Variants in RAB29 observed in about 807,000 individuals in gnomAD.
RAB29 encodes RAB29, member RAS oncogene family.
A neutral mutation model predicts 25.5 loss-of-function variants in RAB29; 13 were observed. The ratio of observed to expected loss-of-function variants is 0.51; its 90% CI spans 0.33 to 0.81. The LOEUF is 0.81. Among genes scored for constraint, RAB29 ranks in the 30% least tolerant of loss-of-function variants. The probability of loss-of-function intolerance (pLI) is 0.02; values close to 1 mark genes in which losing one functional copy is unlikely to be tolerated. For missense variants in RAB29, 201 were observed against 254.9 expected (o/e 0.79, Z 1.44); for synonymous variants, 88 against 95.0 (o/e 0.93, Z 0.43).
chr1:205,771,758 TTCC>T, intron 3 of RAB29, 105 bp from the exon 4 acceptor site: 2 of 1,135,266 alleles, frequency 1.8e-6, no homozygotes, highest in Non-Finnish European at 2.6e-6. Context: ...GCCACTCACT[TTCC>T]CCCTCTGACT....
At chr1:205,772,933 G>A (rs1655100860) in intron 2 of RAB29, among the ~76,000 whole-genome samples, 1 of 151,950 alleles carries the variant, frequency 6.6e-6, no homozygotes, top group Non-Finnish European at 1.5e-5. Context: ...GGGAGAAGGG[G>A]GAAATGAGAC....
At position 205,775,066 on chromosome 1, in the gene RAB29, C is replaced by A; in HGVS notation, c.-110G>T. 7.2e-7 allele frequency: 1 copy of A among 1,388,726 alleles called. No homozygotes were observed. The allele number at this position is 1,388,726 out of a possible 1,614,324, so 86.0% of individuals were successfully genotyped here. ...CCTCTTCAAACTGAAGTGAGGCATT[C>A]CCACCCACCGCCTGTCTGGGCTGCT... On this transcript the variant is annotated 5_prime_UTR_variant, in exon 2 of 6. Coordinates refer to ENST00000367139, the MANE Select transcript of RAB29 (RefSeq NM_003929.3).
In RAB29 at chr1:205,771,793, G is replaced by C. The variant is rs907149591; in HGVS notation, c.197-140C>G. On this transcript the variant is annotated intron_variant, in intron 3 of 5. Coordinates refer to ENST00000367139, the MANE Select transcript of RAB29 (RefSeq NM_003929.3). Reference sequence around the variant, plus strand: ...GACTCTTGGTTTTCTATCCCATAAAGGGATAATGAAGCCCAATTATTTCCA... The same window carrying C: ...GACTCTTGGTTTTCTATCCCATAAACGGATAATGAAGCCCAATTATTTCCA... The C allele has an allele frequency of 4.6e-6, 4 of 869,838 alleles. No individual in the cohort carries two copies. The African/African-American group carries it at 5.0e-5, about 11-fold the overall frequency. 53.9% of individuals were successfully genotyped at this position (869,838 alleles called of 1,614,324 possible).
intron 4 of RAB29, chr1:205,771,165 G>C: frequency 4.3e-6 from 2 of 467,590 alleles, no homozygotes; most frequent in South Asian, 2.1e-5. Flanking sequence ...TGGGTGTGGT[G>C]GTGGGCACCT....
chr1:205,772,397 G>A (rs1261324348), intron 3 of RAB29, 99 bp downstream of exon 3: 5 of 1,271,812 alleles, frequency 3.9e-6, no homozygotes, highest in Non-Finnish European at 5.7e-6. Flanking sequence ...TCCAGCTTCA[G>A]AAAAACAATT....
chr1:205,768,644 C>T lies in RAB29; in HGVS notation c.*1698G>A, dbSNP rs1405115616. ...TAACTCCCAGGTTCAAGCGATTCTC[C>T]TGCCTCAGTCTCCCAAGTAGCTGGG... On this transcript the variant is annotated 3_prime_UTR_variant, in exon 6 of 6. Coordinates refer to ENST00000367139, the MANE Select transcript of RAB29 (RefSeq NM_003929.3). 1 of 152,012 alleles carries T rather than the reference C, an allele frequency of 6.6e-6. No individual in the cohort carries two copies. The highest frequency in any genetic ancestry group is 1.5e-5 in the Non-Finnish European group (1 of 68,018). The allele number at this position is 152,012 out of a possible 1,614,324, so 9.4% of individuals were successfully genotyped here. A position where few individuals can be genotyped will look rare whatever the true frequency, so the allele number is the denominator to read the frequency against.
chr1:205,772,115 TAA>T (rs1655060613), intron 3 of RAB29, among the ~76,000 whole-genome samples: 2 of 152,314 alleles, frequency 1.3e-5, no homozygotes, highest in Middle Eastern at 3.4e-3. Flanking sequence ...TCAGTGAATT[TAA>T]AATACTTAGA....
chr1:205,772,506 C>T lies in RAB29; in HGVS notation c.186G>A (p.Trp62Ter), dbSNP rs1466139409. The T allele has an allele frequency of 3.1e-6, 5 of 1,613,476 alleles. No individual in the cohort carries two copies. Among genetic ancestry groups the T allele is most frequent in the Non-Finnish European group, 4.2e-6 (5 of 1,179,864 alleles). Residue 62 changes from tryptophan to a stop codon, truncating the protein, a stop_gained, in exon 3 of 6, where the codon TGG becomes TGA. Coordinates refer to ENST00000367139, the MANE Select transcript of RAB29 (RefSeq NM_003929.3). LOFTEE classifies it high-confidence loss of function. ...SDYEIVRLQL[W>*]DIAGQERFTS... ...GCCCTCCCACTTTACCTGCAATATC[C>T]CACAGCTGAAGCCGCACTATCTCGT...
At chr1:205,772,643 G>T in intron 2 of RAB29, 76 bp from the exon 3 acceptor site, 1 of 1,361,942 alleles carries the variant, frequency 7.3e-7, no homozygotes, top group Non-Finnish European at 1.0e-6. Flanking sequence ...AAATCAAATA[G>T]GCAGTGAAAC....
intron 3 of RAB29, 124 bp from the exon 4 acceptor site, chr1:205,771,777 T>G: frequency 1.0e-6 from 1 of 975,828 alleles, no homozygotes; most frequent in Non-Finnish European, 1.6e-6. Flanking sequence ...TGACTCTTGG[T>G]TTTCTATCCC....
intron 2 of RAB29, 35 bp downstream of exon 2, chr1:205,774,798 T>TCCCCCCC: frequency 6.1e-6 from 4 of 658,510 alleles, no homozygotes; most frequent in South Asian, 3.0e-5. Flanking sequence ...GGCCTCCTCC[T>TCCCCCCC]CCCCCTCCCC....
rs965400697 is a variant in RAB29 at position 205,770,024 on chromosome 1, T to C, written c.*318A>G. The C allele has an allele frequency of 2.2e-4, 79 of 366,338 alleles. No individual in the cohort carries two copies. Among genetic ancestry groups the C allele is most frequent in the Middle Eastern group, 1.5e-3 (2 of 1,306 alleles). The allele number at this position is 366,338 out of a possible 1,614,324, so 22.7% of individuals were successfully genotyped here. Reference sequence around the variant, plus strand: ...TAAGCTCAGAAGTAGGTGAGAATTATGATCTCTAAAACGCAGGTGCTGATT... The same window carrying C: ...TAAGCTCAGAAGTAGGTGAGAATTACGATCTCTAAAACGCAGGTGCTGATT... On this transcript the variant is annotated 3_prime_UTR_variant, in exon 6 of 6. Coordinates refer to ENST00000367139, the MANE Select transcript of RAB29 (RefSeq NM_003929.3).
At chr1:205,770,996 C>T in intron 4 of RAB29, 142 bp from the exon 5 acceptor site, 1 of 1,214,446 alleles carries the variant, frequency 8.2e-7, no homozygotes, top group Non-Finnish European at 1.1e-6. Flanking sequence ...CAACATTCTT[C>T]CCAAAGAAAG....
rs1368229492 is a variant in RAB29 at position 205,770,386 on chromosome 1, A to T, written c.568T>A (p.Tyr190Asn). The T allele has an allele frequency of 1.2e-6, 2 of 1,614,210 alleles. No homozygotes were observed. The highest frequency in any genetic ancestry group is 1.7e-6 in the Non-Finnish European group (2 of 1,180,008). ...GAGGACTTGGTTTGTAGATTGATGT[A>T]GTCCCCTTGGGTGGACAAAGACATG... ...DIMSLSTQGD[Y>N]INLQTKSSSW... is the part of the protein sequence containing the mutation. The change falls in exon 6 of 6, where the codon TAC (tyrosine) becomes AAC (asparagine). Residue 190 changes from tyrosine to asparagine, a missense_variant. Physicochemically the swap from Tyr to Asn is moderately radical, Grantham distance 143 (BLOSUM62 -2). Transcript: ENST00000367139.
In RAB29 at chr1:205,771,197, G is replaced by A. The variant is rs149842155; in HGVS notation, c.378+275C>T. 625 of 488,478 alleles carry A rather than the reference G, an allele frequency of 1.3e-3. 6 individuals are homozygous for A. Among genetic ancestry groups the A allele is most frequent in the African/African-American group, 0.011 (585 of 51,226 alleles). The allele number at this position is 488,478 out of a possible 1,614,324, so 30.3% of individuals were successfully genotyped here. ...ACCTGTAGTCCCAGCTACTCGGGAGGCTGAGGCAAGAGAATGGCGTGAACC... is the reference window on the plus strand; with the variant it reads ...ACCTGTAGTCCCAGCTACTCGGGAGACTGAGGCAAGAGAATGGCGTGAACC... On this transcript the variant is annotated intron_variant, in intron 4 of 5. Transcript: ENST00000367139.
At chr1:205,772,409 C>A in intron 3 of RAB29, 87 bp downstream of exon 3, 2 of 1,351,728 alleles carry the variant, frequency 1.5e-6, no homozygotes, top group Non-Finnish European at 2.1e-6. Context: ...AAAACAATTT[C>A]TGGCTTTGCT....
chr1:205,773,674 C>G (rs1655143449), intron 2 of RAB29, among the ~76,000 whole-genome samples: 1 of 152,086 alleles, frequency 6.6e-6, no homozygotes, highest in Admixed American at 6.5e-5. Context: ...CTACTTTCTT[C>G]TTTAATTTTT....
At chr1:205,774,759 T>C in intron 2 of RAB29, 74 bp downstream of exon 2, 1 of 1,485,598 alleles carries the variant, frequency 6.7e-7, no homozygotes, top group Middle Eastern at 2.1e-4. Context: ...CCCACCCCAC[T>C]TGGGTCCCCA....
At position 205,772,486 on chromosome 1, in the gene RAB29, C is replaced by T. The variant is rs940855193; in HGVS notation, c.196+10G>A. On this transcript the variant is annotated intron_variant, in intron 3 of 5. Transcript: ENST00000367139. ...TCTTCCCTTGTTCCTATCTAGCCCT[C>T]CCACTTTACCTGCAATATCCCACAG... 3 of 1,612,932 alleles carry T rather than the reference C, an allele frequency of 1.9e-6. No individual in the cohort carries two copies. Among genetic ancestry groups the T allele is most frequent in the African/African-American group, 2.7e-5 (2 of 74,864 alleles).
Sources: gnomAD v4.1 joint callset for allele counts (sites outside exome capture counted in the v4.1 genomes callset) on GRCh38, gnomAD v4.1.1 for gene constraint, MANE v1.5 for transcripts, NCBI Gene and HGNC (gene_info 2026-07-23, HGNC 2026-07-21) for gene names.